WFS1: variants seen among roughly 807,000 people sequenced by gnomAD.
WFS1 encodes wolframin.
WFS1 carries 90 observed loss-of-function variants against 68.5 expected under a neutral mutation model. That is an observed-to-expected ratio of 1.31 (90% confidence interval 1.11 to 1.56). The LOEUF (loss-of-function observed/expected upper bound fraction) is 1.56, where lower values mean the gene tolerates loss of function less well. WFS1 is among the 40% of genes most tolerant of loss of function. WFS1 has a pLI of 0.00. For synonymous variants in WFS1, 860 were observed against 540.7 expected (o/e 1.59, Z -8.19); for missense variants, 1,767 against 1,232.6 (o/e 1.43, Z -6.49).
rs1731014410 is a variant in WFS1, at chr4:6,302,892, T to A, written c.*424T>A. 4.2e-6 allele frequency: 1 copy of A among 238,036 alleles called. No homozygotes were observed. The highest frequency in any genetic ancestry group is 8.3e-6 in the Non-Finnish European group (1 of 121,136). 14.7% of individuals were successfully genotyped at this position (238,036 alleles called of 1,614,324 possible). A position where few individuals can be genotyped will look rare whatever the true frequency, so the allele number is the denominator to read the frequency against. ...CATCTGTGTAACCTCCACAGTAGCA[T>A]TTCTTATTTGTTTGGTCACTGCTAC... On this transcript the variant is annotated 3_prime_UTR_variant, in exon 8 of 8. Coordinates refer to ENST00000226760, the MANE Select transcript of WFS1 (RefSeq NM_006005.3).
In WFS1 at chr4:6,283,915, C is replaced by T. The variant is rs569671244; in HGVS notation, c.233-3178C>T. ...TGGTGGTCCACACTGATGCAGCCGG[C>T]TTCTGGGGGTGATCTTTCTGGCACT... On this transcript the variant is annotated intron_variant, in intron 2 of 7. Transcript: ENST00000226760. This position sits in a 1 kb window ranked among gnomAD's most constrained non-coding sequence, Gnocchi z 5.0. Among the ~76,000 whole-genome samples the T allele has an allele frequency of 6.6e-6, 1 of 152,180 alleles. No homozygotes were observed. Among genetic ancestry groups the T allele is most frequent in the Admixed American group, 6.5e-5 (1 of 15,288 alleles).
chr4:6,294,918 TGAACCCAC>T, intron 6 of WFS1, 115 bp from the exon 7 acceptor site: 2 of 1,535,380 alleles, frequency 1.3e-6, no homozygotes, highest in Non-Finnish European at 1.8e-6. Context: ...TTCCTCCACC[TGAACCCAC>T]TCAGCTCCTT....
Position 6,301,411 on chromosome 4 carries a change from TGTG to T in WFS1, c.1620_1622del (p.Trp540del). On this transcript the variant is annotated inframe_deletion, in exon 8 of 8. Transcript: ENST00000226760. ...CTTGTGCCCTACCTGGTGTGCTTCA[TGTG>T]GTGTGAGCTCTCCGTGGTCATCCTG... is the stretch of plus-strand genomic sequence containing the variant. 1 of 1,612,562 alleles carries T rather than the reference TGTG, an allele frequency of 6.2e-7. No homozygotes were observed.
intron 1 of WFS1, among the ~76,000 whole-genome samples, chr4:6,273,722 G>T (rs1038327333): frequency 1.3e-5 from 2 of 152,168 alleles, no homozygotes; most frequent in Admixed American, 6.5e-5. Flanking sequence ...TCCTTCCACC[G>T]GGAGATCTTT....
In WFS1 at chr4:6,283,028, G is replaced by A. The variant is rs1730210374; in HGVS notation, c.233-4065G>A. ...ATAGATGGCATCCACGAAGGCTGGC[G>A]GAGCCTGTGATAGACGATGGACGAT... On this transcript the variant is annotated intron_variant, in intron 2 of 7. Transcript: ENST00000226760. The surrounding 1 kb of genome is among the most constrained non-coding windows in gnomAD (Gnocchi z 5.0). 2.0e-5 allele frequency among the ~76,000 whole-genome samples: 3 copies of A among 152,206 alleles called. No individual in the cohort carries two copies. Among genetic ancestry groups the A allele is most frequent in the South Asian group, 4.1e-4 (2 of 4,830 alleles).
At chr4:6,294,651 A>C (rs1277186439) in intron 6 of WFS1, 1 of 330,392 alleles carries the variant, frequency 3.0e-6, no homozygotes, top group East Asian at 7.6e-5. Flanking sequence ...CCGTGCTGTG[A>C]GAAGCCCCAC....
rs570645755 is a variant in WFS1 at position 6,278,220 on chromosome 4, G to A, written c.232+533G>A. ...CTGAGGCCCTTGGTCTTCACAGGCC[G>A]AGCTGACTGAGGCCCTGGGTGTTCA... On this transcript the variant is annotated intron_variant, in intron 2 of 7. Coordinates refer to ENST00000226760, the MANE Select transcript of WFS1 (RefSeq NM_006005.3). 2.0e-3 allele frequency among the ~76,000 whole-genome samples: 309 copies of A among 152,072 alleles called. 2 individuals are homozygous for A. Among genetic ancestry groups the A allele is most frequent in the African/African-American group, 7.1e-3 (295 of 41,496 alleles).
chr4:6,295,821 GT>G (rs1307849666), intron 7 of WFS1, among the ~76,000 whole-genome samples: 1 of 152,230 alleles, frequency 6.6e-6, no homozygotes, highest in Non-Finnish European at 1.5e-5. Context: ...CTGACAGCTT[GT>G]TTTCTTGGCC....
At position 6,295,318 on chromosome 4, in the gene WFS1, C is replaced by T. The variant is rs544717907; in HGVS notation, c.861+129C>T. The T allele has an allele frequency of 1.3e-4, 145 of 1,111,352 alleles. No individual in the cohort carries two copies. In the East Asian group the frequency reaches 3.5e-3, roughly 27 times the overall value. The allele number at this position is 1,111,352 out of a possible 1,614,324, so 68.8% of individuals were successfully genotyped here. ...TAACAAAGAGTGTCTTACAGCCGTG[C>T]CGCTGGTACCTTTGGGTCATCATCT... On this transcript the variant is annotated intron_variant, in intron 7 of 7. Coordinates refer to ENST00000226760, the MANE Select transcript of WFS1 (RefSeq NM_006005.3).
At chr4:6,299,258 T>C (rs1246029511) in intron 7 of WFS1, among the ~76,000 whole-genome samples, 1 of 152,210 alleles carries the variant, frequency 6.6e-6, no homozygotes, top group Non-Finnish European at 1.5e-5. Flanking sequence ...CTGAGGCTGC[T>C]CCCAGCATGC....
At chr4:6,288,488 G>A (rs1014777422) in intron 3 of WFS1, 3 of 233,220 alleles carry the variant, frequency 1.3e-5, no homozygotes, top group Non-Finnish European at 2.6e-5. Context: ...TGTGGAGCAC[G>A]TAAAAGCAGC....
chr4:6,293,296 C>T (rs1473834984), intron 6 of WFS1, among the ~76,000 whole-genome samples: 7 of 152,150 alleles, frequency 4.6e-5, no homozygotes, highest in Admixed American at 2.0e-4. Flanking sequence ...TAGGAGTCAG[C>T]GCTGCCAGCC....
intron 3 of WFS1, chr4:6,288,358 C>T (rs74794926): frequency 1.3e-5 from 2 of 156,364 alleles, no homozygotes; most frequent in African/African-American, 4.8e-5. Flanking sequence ...CCCTGGGCCT[C>T]ACTTTTTCCA....
rs1396232609 is a variant in WFS1, at chr4:6,302,457, TCGG to T, written c.2667_2669del (p.Ala890del). 4.3e-6 allele frequency: 7 copies of T among 1,612,758 alleles called. No individual in the cohort carries two copies. The highest frequency in any genetic ancestry group is 5.9e-6 in the Non-Finnish European group (7 of 1,180,044). ...CGACTTCTTTTTCTTCCCATTCCTG[TCGG>T]CGGCCTGAGGATGGTCCGCCACGAG... On this transcript the variant is annotated inframe_deletion, in exon 8 of 8. Coordinates refer to ENST00000226760, the MANE Select transcript of WFS1 (RefSeq NM_006005.3).
Position 6,277,308 on chromosome 4 carries a change from T to C in WFS1, c.-5-143T>C, listed in dbSNP as rs1578585465. 2.6e-5 allele frequency: 21 copies of C among 796,292 alleles called. 1 individual carries two copies. The highest frequency in any genetic ancestry group is 2.1e-4 in the South Asian group (13 of 60,908). 49.3% of individuals were successfully genotyped at this position (796,292 alleles called of 1,614,324 possible). On this transcript the variant is annotated intron_variant, in intron 1 of 7. Coordinates refer to ENST00000226760, the MANE Select transcript of WFS1 (RefSeq NM_006005.3). ...GGAAGCGGTGCTGGCCCATGGGGAC[T>C]GTACTGAGTGTCAGCGAGATCCTGT...
intron 2 of WFS1, among the ~76,000 whole-genome samples, chr4:6,280,144 C>T (rs772572670): frequency 6.6e-6 from 1 of 152,194 alleles, no homozygotes; most frequent in Non-Finnish European, 1.5e-5. Flanking sequence ...CGTCCCTGTG[C>T]CAGGGCGGGA....
At position 6,299,724 on chromosome 4, in the gene WFS1, G is replaced by T. The variant is rs115197966; in HGVS notation, c.862-933G>T. Among the ~76,000 whole-genome samples, 12 of 50,816 alleles carry T rather than the reference G, an allele frequency of 2.4e-4. 1 individual carries two copies. The East Asian group carries it at 5.2e-3, about 22-fold the overall frequency. 33.3% of individuals were successfully genotyped at this position (50,816 alleles called of 152,430 possible). ...GAATGTGTGTGTAGGGGTGGGTTGT[G>T]TGAATGCGGGTAGGTTGCGTGTGTG... On this transcript the variant is annotated intron_variant, in intron 7 of 7. Coordinates refer to ENST00000226760, the MANE Select transcript of WFS1 (RefSeq NM_006005.3).
In WFS1 at chr4:6,291,303, C is replaced by T. The variant is rs1560410141; in HGVS notation, c.567C>T (p.Pro189=). The part of the protein sequence containing the change: ...AALVMYWKLN[P]KKKKQVAVAE... ...TGGTCATGTACTGGAAGCTCAACCC[C>T]AAGAAGAAGAAGCAGGTGGCCGTGG... The change falls in exon 5 of 8, where the codon CCC becomes CCT. Residue 189 remains proline (P), a synonymous_variant. Coordinates refer to ENST00000226760, the MANE Select transcript of WFS1 (RefSeq NM_006005.3). The T allele has an allele frequency of 6.2e-7, 1 of 1,613,502 alleles. No individual in the cohort carries two copies. Among genetic ancestry groups the T allele is most frequent in the African/African-American group, 1.3e-5 (1 of 74,986 alleles).
chr4:6,274,271 T>C (rs941879270), intron 1 of WFS1, among the ~76,000 whole-genome samples: 1 of 152,018 alleles, frequency 6.6e-6, no homozygotes, highest in Non-Finnish European at 1.5e-5. Context: ...ATGGTCTTGA[T>C]CTCCTGACCT....
Sources: gnomAD v4.1 joint callset for allele counts (sites outside exome capture counted in the v4.1 genomes callset) on GRCh38, gnomAD v4.1.1 for gene constraint, Gnocchi (gnomAD v3.1) non-coding constraint, MANE v1.5 for transcripts, NCBI Gene and HGNC (gene_info 2026-07-23, HGNC 2026-07-21) for gene names.